DCLK1: variants seen among roughly 807,000 people sequenced by gnomAD.
DCLK1 encodes doublecortin like kinase 1, also known as serine/threonine-protein kinase DCLK1.
Under a neutral mutation model 86.2 loss-of-function variants are expected in DCLK1, and 16 were observed. The ratio of observed to expected loss-of-function variants is 0.19; its 90% CI spans 0.13 to 0.28. The LOEUF (loss-of-function observed/expected upper bound fraction) is 0.28, where lower values mean the gene tolerates loss of function less well. DCLK1 is among the 10% of genes least tolerant of loss of function. The pLI, the probability that DCLK1 is intolerant of heterozygous loss-of-function variation, is 1.00. For synonymous variants in DCLK1, 369 were observed against 370.5 expected, an observed-to-expected ratio of 1.00 and a Z score of 0.05; for missense variants, 590 against 940.2, an observed-to-expected ratio of 0.63 and a Z score of 4.87.
At chr13:35,917,275 C>T (rs188315548) in intron 4 of DCLK1, among the ~76,000 whole-genome samples, 1 of 152,328 alleles carries the variant, frequency 6.6e-6, no homozygotes, top group Non-Finnish European at 1.5e-5. Context: ...TTATAGGGGC[C>T]TCAGCCATGA....
intron 3 of DCLK1, among the ~76,000 whole-genome samples, chr13:35,998,223 A>G (rs1004489144): frequency 1.3e-5 from 2 of 152,220 alleles, no homozygotes; most frequent in African/African-American, 4.8e-5. Context: ...ATAAAGTACA[A>G]AACTACGACA....
At chr13:35,814,932 GT>G (rs1355577789) in intron 11 of DCLK1, among the ~76,000 whole-genome samples, 1 of 152,196 alleles carries the variant, frequency 6.6e-6, no homozygotes, top group Admixed American at 6.5e-5. Flanking sequence ...AGTCGGAGAA[GT>G]TGTTCTCTAG....
intron 3 of DCLK1, among the ~76,000 whole-genome samples, chr13:36,108,610 C>T (rs1000917664): frequency 6.6e-6 from 1 of 152,216 alleles, no homozygotes; most frequent in Non-Finnish European, 1.5e-5. Context: ...GTTTTCATGC[C>T]ATGGATACAT....
At chr13:35,953,106 T>A (rs1156573845) in intron 3 of DCLK1, among the ~76,000 whole-genome samples, 1 of 152,236 alleles carries the variant, frequency 6.6e-6, no homozygotes, top group African/African-American at 2.4e-5. Context: ...AATAGTTCTG[T>A]ATACATTACT....
intron 3 of DCLK1, among the ~76,000 whole-genome samples, chr13:36,000,986 T>C (rs1192879088): frequency 6.6e-6 from 1 of 151,966 alleles, no homozygotes; most frequent in Non-Finnish European, 1.5e-5. Context: ...TTCACTTTTG[T>C]TGCCCAGGCT....
At chr13:35,989,382 C>G (rs1164157535) in intron 3 of DCLK1, among the ~76,000 whole-genome samples, 1 of 152,084 alleles carries the variant, frequency 6.6e-6, no homozygotes, top group Admixed American at 6.5e-5. Context: ...AGTGATTCTC[C>G]TGCCTCAGCC....
intron 6 of DCLK1, among the ~76,000 whole-genome samples, chr13:35,841,862 C>G (rs566618459): frequency 6.6e-6 from 1 of 152,186 alleles, no homozygotes; most frequent in African/African-American, 2.4e-5. Flanking sequence ...TCCGCTGATT[C>G]AAAGAGTTTG....
chr13:36,080,061 T>C (rs1884366464), intron 3 of DCLK1, among the ~76,000 whole-genome samples: 1 of 152,128 alleles, frequency 6.6e-6, no homozygotes, highest in African/African-American at 2.4e-5. Flanking sequence ...ATGATGACTA[T>C]AAAAGCTTCA....
intron 3 of DCLK1, among the ~76,000 whole-genome samples, chr13:36,092,392 T>C (rs1271039569): frequency 6.6e-6 from 1 of 152,190 alleles, no homozygotes; most frequent in Non-Finnish European, 1.5e-5. Flanking sequence ...GAATAGCTGT[T>C]AGTTGTTATG....
intron 4 of DCLK1, among the ~76,000 whole-genome samples, chr13:35,899,368 TGAGAGAGA>T (rs34255904): frequency 2.8e-4 from 36 of 130,528 alleles, no homozygotes; most frequent in African/African-American, 9.1e-4. Flanking sequence ...TGTGTGTGTG[TGAGAGAGA>T]GAGAGAGAGA....
intron 15 of DCLK1, among the ~76,000 whole-genome samples, chr13:35,804,936 C>T (rs976877033): frequency 2.6e-5 from 4 of 152,148 alleles, no homozygotes; most frequent in African/African-American, 7.2e-5. Flanking sequence ...TTAGAATCTG[C>T]GTTTTAACAG....
chr13:35,898,630 T>C (rs1242787385), intron 4 of DCLK1, among the ~76,000 whole-genome samples: 3 of 152,236 alleles, frequency 2.0e-5, no homozygotes, highest in Non-Finnish European at 4.4e-5. Flanking sequence ...CAGGCATGAA[T>C]GAGTAAAAAG....
chr13:35,951,201 A>C (rs2153134244), intron 3 of DCLK1, among the ~76,000 whole-genome samples: 1 of 151,594 alleles, frequency 6.6e-6, no homozygotes, highest in African/African-American at 2.4e-5. Flanking sequence ...TTTAGTTGGG[A>C]CATGGTGCCT....
At chr13:35,960,783 T>C (rs1878410942) in intron 3 of DCLK1, among the ~76,000 whole-genome samples, 1 of 152,198 alleles carries the variant, frequency 6.6e-6, no homozygotes, top group African/African-American at 2.4e-5. Context: ...TTTCCACAAA[T>C]AATTTCTAAT....
At chr13:36,103,198 C>T (rs1236970420) in intron 3 of DCLK1, among the ~76,000 whole-genome samples, 3 of 151,848 alleles carry the variant, frequency 2.0e-5, no homozygotes, top group South Asian at 4.2e-4. Flanking sequence ...GTCAGGAGTT[C>T]GAGACCAGCC....
intron 2 of DCLK1, among the ~76,000 whole-genome samples, chr13:36,113,870 C>T (rs1229959893): frequency 1.3e-5 from 2 of 152,112 alleles, no homozygotes; most frequent in African/African-American, 2.4e-5. Context: ...TACTAGAAAT[C>T]GGTAAGCAGG....
chr13:36,003,441 A>T (rs1338589898), intron 3 of DCLK1, among the ~76,000 whole-genome samples: 1 of 152,206 alleles, frequency 6.6e-6, no homozygotes, highest in African/African-American at 2.4e-5. Context: ...CAATTTTACG[A>T]CATATAACCA....
At chr13:35,834,355 A>T (rs1422171534) in intron 8 of DCLK1, among the ~76,000 whole-genome samples, 1 of 152,182 alleles carries the variant, frequency 6.6e-6, no homozygotes, top group Non-Finnish European at 1.5e-5. Context: ...ATTTTGGCTC[A>T]GCTAAGCCAG....
intron 3 of DCLK1, among the ~76,000 whole-genome samples, chr13:35,967,585 G>A (rs1235494625): frequency 6.6e-6 from 1 of 152,116 alleles, no homozygotes; most frequent in Non-Finnish European, 1.5e-5. Flanking sequence ...ATGGATTAAG[G>A]GTGGTGCAAG....
Sources: gnomAD v4.1 joint callset for allele counts (sites outside exome capture counted in the v4.1 genomes callset) on GRCh38, gnomAD v4.1.1 for gene constraint, MANE v1.5 for transcripts, NCBI Gene and HGNC (gene_info 2026-07-23, HGNC 2026-07-21) for gene names.